ZNF609: variants seen among roughly 807,000 people sequenced by gnomAD.
ZNF609 encodes the protein zinc finger protein 609.
In ZNF609, 11 loss-of-function variants were observed where a neutral mutation model predicts 109.5. That is an observed-to-expected ratio of 0.10 (90% CI 0.06 to 0.17). The LOEUF (loss-of-function observed/expected upper bound fraction) is 0.17, where lower values mean the gene tolerates loss of function less well. ZNF609 is among the 10% of genes least tolerant of loss of function. The pLI, the probability that ZNF609 is intolerant of heterozygous loss-of-function variation, is 1.00. For synonymous variants in ZNF609, 646 were observed against 662.0 expected, an observed-to-expected ratio of 0.98 and a Z score of 0.37; for missense variants, 1,559 against 1,772.4, an observed-to-expected ratio of 0.88 and a Z score of 2.16.
At chr15:64,646,133 T>C (rs555907699) in intron 3 of ZNF609, among the ~76,000 whole-genome samples, 2 of 152,316 alleles carry the variant, frequency 1.3e-5, no homozygotes, top group South Asian at 2.1e-4. Context: ...ATAACCCAAG[T>C]GTCCATCAAC....
chr15:64,608,136 A>G (rs1171236406), intron 2 of ZNF609, among the ~76,000 whole-genome samples: 3 of 151,752 alleles, frequency 2.0e-5, no homozygotes, highest in Non-Finnish European at 4.4e-5. Context: ...ACCTCAGGCA[A>G]TCCGCCCGCC....
At chr15:64,571,353 T>G (rs1176075594) in intron 2 of ZNF609, among the ~76,000 whole-genome samples, 1 of 152,198 alleles carries the variant, frequency 6.6e-6, no homozygotes, top group African/African-American at 2.4e-5. Flanking sequence ...AATATAGTGC[T>G]GGCACTTTAA....
At position 64,480,052 on chromosome 15, in the gene ZNF609, C is replaced by T. The variant is rs979710670; in HGVS notation, c.-128+19214C>T. On this transcript the variant is annotated intron_variant, in intron 1 of 9. Transcript: ENST00000326648. The stretch of plus-strand genomic sequence containing the variant: ...AGAAGCTCGAAACCAGCCTGGCGAA[C>T]GTGGCAAAACCCCGTCTCTACTAAA... Among the ~76,000 whole-genome samples the T allele has an allele frequency of 1.7e-4, 25 of 149,288 alleles. No individual in the cohort carries two copies. The South Asian group carries it at 2.1e-3, about 13-fold the overall frequency.
intron 3 of ZNF609, among the ~76,000 whole-genome samples, chr15:64,668,127 A>G (rs372280423): frequency 6.6e-6 from 1 of 152,340 alleles, no homozygotes; most frequent in African/African-American, 2.4e-5. Context: ...GAGAAAGGGG[A>G]AAAAGTAATA....
In ZNF609 at chr15:64,518,451, A is replaced by G. The variant is rs1386122699; in HGVS notation, c.747+18285A>G. 7.9e-5 allele frequency among the ~76,000 whole-genome samples: 12 copies of G among 152,218 alleles called. No individual in the cohort carries two copies. In the East Asian group the frequency reaches 2.3e-3, roughly 29 times the overall value. Reference sequence around the variant, plus strand: ...AATGGTAAGATGAGGCTGGAGTGCTATGGGGTCAGATAGTAGAAGGCCTTA... The same window carrying G: ...AATGGTAAGATGAGGCTGGAGTGCTGTGGGGTCAGATAGTAGAAGGCCTTA... On this transcript the variant is annotated intron_variant, in intron 2 of 9. Transcript: ENST00000326648.
intron 2 of ZNF609, among the ~76,000 whole-genome samples, chr15:64,521,634 C>T (rs977717237): frequency 6.6e-6 from 1 of 152,178 alleles, no homozygotes; most frequent in African/African-American, 2.4e-5. Flanking sequence ...GGCTCATAAC[C>T]TTTATGAAAA....
chr15:64,576,634 G>A (rs566438347), intron 2 of ZNF609, among the ~76,000 whole-genome samples: 1 of 151,632 alleles, frequency 6.6e-6, no homozygotes, highest in Non-Finnish European at 1.5e-5. Context: ...AAAGGTTAAA[G>A]GAATCCTCAA....
At chr15:64,532,620 A>G (rs1388917038) in intron 2 of ZNF609, among the ~76,000 whole-genome samples, 11 of 152,218 alleles carry the variant, frequency 7.2e-5, no homozygotes, top group Admixed American at 7.2e-4. Flanking sequence ...CGTTTTAAAC[A>G]TCTTTAAGAT....
chr15:64,675,091 C>T lies in ZNF609; in HGVS notation c.2237C>T (p.Thr746Ile). The T allele has an allele frequency of 6.2e-7, 1 of 1,614,172 alleles. No homozygotes were observed. The highest frequency in any genetic ancestry group is 1.1e-5 in the South Asian group (1 of 91,084). Reference sequence around the variant, plus strand: ...TCAAAGGAACTTGAAAGTCCTCTGACCCCTGGGAAGGTGTGTCGAGCAGAG... The same window carrying T: ...TCAAAGGAACTTGAAAGTCCTCTGATCCCTGGGAAGGTGTGTCGAGCAGAG... ...ESSKELESPL[T>I]PGKVCRAEEG... The change falls in exon 5 of 10, where the codon ACC becomes ATC. Residue 746 changes from threonine (T) to isoleucine (I), a missense_variant. Coordinates refer to ENST00000326648, the MANE Select transcript of ZNF609 (RefSeq NM_015042.2).
chr15:64,572,687 G>C (rs1281295552), intron 2 of ZNF609, among the ~76,000 whole-genome samples: 1 of 151,804 alleles, frequency 6.6e-6, no homozygotes, highest in Non-Finnish European at 1.5e-5. Context: ...GAGGTCGGGA[G>C]TTTGAGACCA....
intron 2 of ZNF609, among the ~76,000 whole-genome samples, chr15:64,545,010 G>T (rs1294473251): frequency 6.6e-6 from 1 of 152,188 alleles, no homozygotes; most frequent in African/African-American, 2.4e-5. Context: ...CTGCCATTCT[G>T]TTAAGCAGGT....
At chr15:64,630,091 C>CTTTTTTTTTTTTT (rs200425813) in intron 3 of ZNF609, among the ~76,000 whole-genome samples, 28 of 143,070 alleles carry the variant, frequency 2.0e-4, no homozygotes, top group Non-Finnish European at 3.8e-4. Flanking sequence ...TCCTAATTTT[C>CTTTTTTTTTTTTT]TTTTTTCTTT....
intron 2 of ZNF609, among the ~76,000 whole-genome samples, chr15:64,537,516 GAAAAAGAAAAA>G (rs1652894015): frequency 7.5e-6 from 1 of 133,756 alleles, no homozygotes. Flanking sequence ...AAAAAAAAAA[GAAAAAGAAAAA>G]AAAGAGCAGA....
rs774383862 is a variant in ZNF609 at position 64,627,202 on chromosome 15, C to CA, written c.973+4159dup. Among the ~76,000 whole-genome samples the CA allele has an allele frequency of 1.9e-3, 286 of 146,824 alleles. 2 individuals carry two copies. Among genetic ancestry groups the CA allele is most frequent in the African/African-American group, 3.7e-3 (145 of 39,700 alleles). On this transcript the variant is annotated intron_variant, in intron 3 of 9. Coordinates refer to ENST00000326648, the MANE Select transcript of ZNF609 (RefSeq NM_015042.2). ...GTGAGACTCCGTCTCAAAAAAAAAA[C>CA]AAAAAAAAACAAAACAAAACTACCA... is the stretch of plus-strand genomic sequence containing the variant.
At chr15:64,526,998 A>T (rs1893976103) in intron 2 of ZNF609, among the ~76,000 whole-genome samples, 1 of 151,992 alleles carries the variant, frequency 6.6e-6, no homozygotes, top group South Asian at 2.1e-4. Flanking sequence ...TAGAGATTTT[A>T]AATTATGTTG....
chr15:64,626,766 A>G (rs1468220766), intron 3 of ZNF609, among the ~76,000 whole-genome samples: 1 of 152,112 alleles, frequency 6.6e-6, no homozygotes, highest in Non-Finnish European at 1.5e-5. Context: ...TGCAGATTCC[A>G]TTTCTTTTTA....
intron 2 of ZNF609, among the ~76,000 whole-genome samples, chr15:64,612,292 T>C (rs571540159): frequency 1.8e-4 from 27 of 151,116 alleles, no homozygotes; most frequent in African/African-American, 6.6e-4. Context: ...GGACTACAGG[T>C]GCCCGCCACC....
At position 64,670,533 on chromosome 15, in the gene ZNF609, A is replaced by C. The variant is rs541163816; in HGVS notation, c.1061+100A>C. ...CTAGAGTTGTACATCCAGCTTTTAA[A>C]GGACATGATGGTATAGATACCAGGG... On this transcript the variant is annotated intron_variant, in intron 4 of 9. Coordinates refer to ENST00000326648, the MANE Select transcript of ZNF609 (RefSeq NM_015042.2). 5.0e-6 allele frequency: 5 copies of C among 1,000,084 alleles called. No individual in the cohort carries two copies. In the East Asian group the frequency reaches 1.2e-4, roughly 24 times the overall value. The allele number at this position is 1,000,084 out of a possible 1,614,324, so 62.0% of individuals were successfully genotyped here.
At position 64,595,382 on chromosome 15, in the gene ZNF609, G is replaced by A. The variant is rs886286384; in HGVS notation, c.748-27445G>A. On this transcript the variant is annotated intron_variant, in intron 2 of 9. Coordinates refer to ENST00000326648, the MANE Select transcript of ZNF609 (RefSeq NM_015042.2). ...TCTCAAAAAAAAAAAAAAAAAAATC[G>A]AAGTGCTACAGCCACCTTGCCACCT... Among the ~76,000 whole-genome samples, 33 of 148,994 alleles carry A rather than the reference G, an allele frequency of 2.2e-4. 1 individual carries two copies. The highest frequency in any genetic ancestry group is 7.7e-4 in the African/African-American group (31 of 40,084).
Sources: allele counts gnomAD v4.1 joint callset (sites outside exome capture counted in the v4.1 genomes callset), GRCh38; gene constraint gnomAD v4.1.1; transcripts MANE v1.5; gene names NCBI Gene and HGNC (gene_info 2026-07-23, HGNC 2026-07-21).